FBXO21: variants seen among roughly 807,000 people sequenced by gnomAD.
FBXO21 encodes F-box protein 21.
A neutral mutation model predicts 76.6 loss-of-function variants in FBXO21; 32 were observed. The observed-to-expected ratio is 0.42, with a 90% CI of 0.32 to 0.56. The LOEUF is 0.56. Ranked by LOEUF, FBXO21 falls within the 20% of genes least tolerant of loss-of-function variation. The pLI, the probability that FBXO21 is intolerant of heterozygous loss-of-function variation, is 0.16. For missense variants in FBXO21, 586 were observed against 797.3 expected (o/e 0.73, Z 3.19); for synonymous variants, 328 against 311.5 (o/e 1.05, Z -0.56).
intron 8 of FBXO21, among the ~76,000 whole-genome samples, chr12:117,166,226 G>A (rs12368232): frequency 0.2 from 30,020 of 151,314 alleles, 3,385 homozygotes; most frequent in East Asian, 0.43. Flanking sequence ...TGAGTAGGCG[G>A]AGCACAGAGG....
At chr12:117,176,779 T>C (rs1956179201) in intron 4 of FBXO21, among the ~76,000 whole-genome samples, 1 of 151,498 alleles carries the variant, frequency 6.6e-6, no homozygotes, top group Non-Finnish European at 1.5e-5. Flanking sequence ...AATAAATACA[T>C]TTTTTTTAAA....
rs1303533958 is a variant in FBXO21 at position 117,155,657 on chromosome 12, G to A, written c.1675+134C>T. ...ACGTTTAGCTGACTGTGGGCCCGAAGGAGGCCGGCCATGGGGCGTCGGCCG... is the reference window on the plus strand; with the variant it reads ...ACGTTTAGCTGACTGTGGGCCCGAAAGAGGCCGGCCATGGGGCGTCGGCCG... On this transcript the variant is annotated intron_variant, in intron 11 of 11. Transcript: ENST00000622495. The A allele has an allele frequency of 1.9e-5, 19 of 1,011,908 alleles. 1 individual carries two copies. In the East Asian group the frequency reaches 3.9e-4, roughly 21 times the overall value. 62.7% of individuals were successfully genotyped at this position (1,011,908 alleles called of 1,614,324 possible).
At chr12:117,167,300 C>T (rs971440128) in intron 7 of FBXO21, among the ~76,000 whole-genome samples, 5 of 152,142 alleles carry the variant, frequency 3.3e-5, no homozygotes, top group East Asian at 1.9e-4. Context: ...CATCTAATAG[C>T]GTTCTTTAGG....
chr12:117,180,547 C>G lies in FBXO21; in HGVS notation c.471-2906G>C, dbSNP rs148699613. 4.0e-3 allele frequency among the ~76,000 whole-genome samples: 606 copies of G among 152,272 alleles called. 4 individuals carry two copies. Among genetic ancestry groups the G allele is most frequent in the African/African-American group, 0.014 (569 of 41,558 alleles). ...AGGTGGTAAAATTAGAATATCACAT[C>G]GTTATTCATTTACTTCATTCCACAT... On this transcript the variant is annotated intron_variant, in intron 3 of 11. Transcript: ENST00000622495.
At position 117,157,970 on chromosome 12, in the gene FBXO21, G is replaced by T; in HGVS notation, c.1420C>A (p.Arg474Ser). ...TCTACGCCCACCTCCTCCTTTTTGCGCTCAATGTGCTCTAGAGTGTGCTGC... is the reference window on the plus strand; with the variant it reads ...TCTACGCCCACCTCCTCCTTTTTGCTCTCAATGTGCTCTAGAGTGTGCTGC... ...LVQHTLEHIERKKEEVGVEVK... is the reference protein window; with the variant it reads ...LVQHTLEHIESKKEEVGVEVK... Residue 474 changes from arginine to serine, a missense_variant, in exon 10 of 12, where the codon CGC (arginine) becomes AGC (serine). Physicochemically the swap from Arg to Ser is moderately radical, Grantham distance 110. This residue lies in a region of FBXO21 where 164 missense variants were observed against 236.7 expected (regional missense o/e 0.69). Transcript: ENST00000622495. 1 of 1,614,156 alleles carries T rather than the reference G, an allele frequency of 6.2e-7. No homozygotes were observed. Among genetic ancestry groups the T allele is most frequent in the East Asian group, 2.2e-5 (1 of 44,888 alleles).
chr12:117,190,321 A>G lies in FBXO21; in HGVS notation c.136T>C (p.Ser46Pro). The change falls in exon 1 of 12, where the codon TCG becomes CCG. Residue 46 changes from serine (S) to proline (P), a missense_variant. Physicochemically the swap from Ser to Pro is moderately conservative, Grantham distance 74. This residue lies in a region of FBXO21 where 152 missense variants were observed against 127.2 expected (regional missense o/e 1.19). Transcript: ENST00000622495. ...CGGCCGATGTCGGCGGCCGTCAGCG[A>G]GCCGCAGCACAGGATGTACTCCAGC... ...EVLEYILCCG[S>P]LTAADIGRVS... 1 of 1,538,822 alleles carries G rather than the reference A, an allele frequency of 6.5e-7. No homozygotes were observed. The highest frequency in any genetic ancestry group is 2.6e-5 in the East Asian group (1 of 37,756).
intron 4 of FBXO21, among the ~76,000 whole-genome samples, chr12:117,177,084 G>A (rs559555554): frequency 2.0e-5 from 3 of 152,148 alleles, no homozygotes; most frequent in East Asian, 3.9e-4. Context: ...CTTTCATTAC[G>A]GACAAGCAGA....
chr12:117,170,494 C>T (rs1034773585), intron 7 of FBXO21, among the ~76,000 whole-genome samples: 8 of 152,106 alleles, frequency 5.3e-5, no homozygotes, highest in African/African-American at 1.9e-4. Flanking sequence ...TATAAAGTTA[C>T]AGTGCTTAAG....
rs1955766888 is a variant in FBXO21 at position 117,146,129 on chromosome 12, C to T, written c.1824G>A (p.Val608=). 1 of 1,612,742 alleles carries T rather than the reference C, an allele frequency of 6.2e-7. No homozygotes were observed. Among genetic ancestry groups the T allele is most frequent in the African/African-American group, 1.3e-5 (1 of 74,834 alleles). Residue 608 remains valine (V), a synonymous_variant, in exon 12 of 12, where the codon GTG becomes GTA. Transcript: ENST00000622495. The stretch of plus-strand genomic sequence containing the variant: ...CTTTCTTTGCACTGTAAATATTCTG[C>T]ACCGTTTCATAGACAAACTCCAGAT... ...PEDLEFVYET[V]QNIYSAKKEN...
chr12:117,189,482 G>A (rs1956322854), intron 1 of FBXO21, 120 bp from the exon 2 acceptor site: 10 of 999,782 alleles, frequency 1.0e-5, no homozygotes, highest in South Asian at 8.8e-5. Context: ...GGACCCCGGC[G>A]AGAGACCTAG....
intron 6 of FBXO21, 21 bp from the exon 7 acceptor site, chr12:117,172,628 T>G: frequency 1.2e-6 from 2 of 1,607,866 alleles, no homozygotes; most frequent in Non-Finnish European, 1.7e-6. Context: ...AAAAATGCTT[T>G]TATTTCACTG....
At chr12:117,175,478 T>C (rs1426833330) in intron 4 of FBXO21, among the ~76,000 whole-genome samples, 1 of 152,210 alleles carries the variant, frequency 6.6e-6, no homozygotes, top group East Asian at 1.9e-4. Flanking sequence ...GACACCGTTA[T>C]GTGGGAAGCT....
At chr12:117,161,118 G>C (rs1332934040) in intron 9 of FBXO21, among the ~76,000 whole-genome samples, 1 of 152,094 alleles carries the variant, frequency 6.6e-6, no homozygotes, top group African/African-American at 2.4e-5. Context: ...CTCTAGGAAG[G>C]GCAAGCACAG....
At chr12:117,166,791 C>T in intron 8 of FBXO21, 107 bp downstream of exon 8, 1 of 851,142 alleles carries the variant, frequency 1.2e-6, no homozygotes, top group Non-Finnish European at 1.9e-6. Context: ...TTCTTAGGGT[C>T]TACTGCAAAG....
chr12:117,155,923 C>T lies in FBXO21; in HGVS notation c.1543G>A (p.Gly515Ser). Residue 515 changes from glycine to serine, a missense_variant, in exon 11 of 12, where the codon GGC becomes AGC. Physicochemically the swap from Gly to Ser is moderately conservative, Grantham distance 56. This residue lies in a region of FBXO21 where 164 missense variants were observed against 236.7 expected (regional missense o/e 0.69). Coordinates refer to ENST00000622495, the MANE Select transcript of FBXO21 (RefSeq NM_015002.3). ...CCCATCATGCAGGTGGGGTCCCAGCCGTAGATCACACAGTTATAGCCATAC... is the reference window on the plus strand; with the variant it reads ...CCCATCATGCAGGTGGGGTCCCAGCTGTAGATCACACAGTTATAGCCATAC... ...KRYGYNCVIY[G>S]WDPTCMMGHE... 1.2e-6 allele frequency: 2 copies of T among 1,614,138 alleles called. No homozygotes were observed. Among genetic ancestry groups the T allele is most frequent in the Non-Finnish European group, 1.7e-6 (2 of 1,180,018 alleles).
intron 6 of FBXO21, 122 bp from the exon 7 acceptor site, chr12:117,172,729 T>C: frequency 9.8e-7 from 1 of 1,018,548 alleles, no homozygotes; most frequent in Non-Finnish European, 1.4e-6. Flanking sequence ...GAGGCTTAAG[T>C]GAGTATTTCA....
At chr12:117,175,029 G>A (rs763724824) in intron 4 of FBXO21, among the ~76,000 whole-genome samples, 3 of 151,924 alleles carry the variant, frequency 2.0e-5, no homozygotes, top group Admixed American at 6.6e-5. Flanking sequence ...ACTTCTCTCA[G>A]AAGTCATGGA....
rs919306855 is a variant in FBXO21, at chr12:117,143,158, G to C, written c.*2929C>G. The C allele has an allele frequency of 2.6e-5, 4 of 152,172 alleles. No homozygotes were observed. Among genetic ancestry groups the C allele is most frequent in the Non-Finnish European group, 4.4e-5 (3 of 68,032 alleles). The allele number at this position is 152,172 out of a possible 1,614,324, so 9.4% of individuals were successfully genotyped here. ...TTTTGGACATAACTGATGTCTCACT[G>C]AGACAGCTTTTCAAAGCATGTCTGC... On this transcript the variant is annotated 3_prime_UTR_variant, in exon 12 of 12. Transcript: ENST00000622495.
intron 6 of FBXO21, among the ~76,000 whole-genome samples, chr12:117,173,117 C>T (rs1187064590): frequency 6.6e-6 from 1 of 152,046 alleles, no homozygotes; most frequent in Admixed American, 6.6e-5. Flanking sequence ...TCACTGCAAC[C>T]TTTCGGGTAC....
Sources: gnomAD v4.1 joint callset for allele counts (sites outside exome capture counted in the v4.1 genomes callset) on GRCh38, gnomAD v4.1.1 for gene constraint, gnomAD v4.1.1 regional missense constraint, MANE v1.5 for transcripts, NCBI Gene and HGNC (gene_info 2026-07-23, HGNC 2026-07-21) for gene names.